The following ANO4 variants were observed in gnomAD, a reference collection of about 807,000 sequenced individuals.
ANO4 encodes the protein anoctamin 4.
A neutral mutation model predicts 141.9 loss-of-function variants in ANO4; 69 were observed. The ratio of observed to expected loss-of-function variants is 0.49; its 90% CI spans 0.40 to 0.59. ANO4 has a LOEUF of 0.59. Ranked by LOEUF, ANO4 falls within the 20% of genes least tolerant of loss-of-function variation. The pLI, the probability that ANO4 is intolerant of heterozygous loss-of-function variation, is 0.00. For missense variants in ANO4, 894 were observed against 1,162.2 expected (o/e 0.77, Z 3.36); for synonymous variants, 350 against 394.3 (o/e 0.89, Z 1.33).
At chr12:100,734,831 A>G (rs1802840314) in intron 2 of ANO4, among the ~76,000 whole-genome samples, 1 of 152,282 alleles carries the variant, frequency 6.6e-6, no homozygotes, top group South Asian at 2.1e-4. Context: ...ATGTTCAAAC[A>G]TAGAACTATA....
chr12:100,901,859 C>T lies in ANO4; in HGVS notation c.55+19C>T. 2 of 1,575,562 alleles carry T rather than the reference C, an allele frequency of 1.3e-6. No individual in the cohort carries two copies. The highest frequency in any genetic ancestry group is 1.7e-6 in the Non-Finnish European group (2 of 1,160,112). On this transcript the variant is annotated intron_variant, in intron 2 of 27. Coordinates refer to ENST00000392977, the MANE Select transcript of ANO4 (RefSeq NM_001286615.2). ...CACCCAGGTGATGCATGGGGAAGTT[C>T]AACGGGGACCCATTTCAGTAGCAAC...
rs530854813 is a variant in ANO4 at position 100,916,062 on chromosome 12, T to A, written c.56-6164T>A. Among the ~76,000 whole-genome samples the A allele has an allele frequency of 4.3e-3, 653 of 152,232 alleles. 4 individuals carry two copies. Among genetic ancestry groups the A allele is most frequent in the African/African-American group, 0.014 (594 of 41,564 alleles). On this transcript the variant is annotated intron_variant, in intron 2 of 27. Transcript: ENST00000392977. ...AGTGGTAGTAATGTAACTTTTACAT[T>A]GTTATGTGTCACAGCAGAAAAACCA...
At chr12:100,747,590 C>T (rs1565851831) in intron 3 of ANO4, among the ~76,000 whole-genome samples, 1 of 152,198 alleles carries the variant, frequency 6.6e-6, no homozygotes, top group Non-Finnish European at 1.5e-5. Flanking sequence ...AAAAAGAACA[C>T]TAGGCTGGGT....
At chr12:100,813,144 A>G (rs751847367) in intron 1 of ANO4, among the ~76,000 whole-genome samples, 5 of 152,224 alleles carry the variant, frequency 3.3e-5, no homozygotes, top group Admixed American at 6.5e-5. Flanking sequence ...AGCTGGTATT[A>G]GCATCCATAT....
Position 100,942,527 on chromosome 12 carries a change from G to C in ANO4, c.448G>C (p.Glu150Gln). The C allele has an allele frequency of 6.2e-7, 1 of 1,612,812 alleles. No homozygotes were observed. The highest frequency in any genetic ancestry group is 8.5e-7 in the Non-Finnish European group (1 of 1,179,652). The change falls in exon 5 of 28, where the codon GAG (glutamate) becomes CAG (glutamine). Residue 150 changes from glutamate to glutamine, a missense_variant. By Grantham distance (29) the Glu-to-Gln change is conservative. Coordinates refer to ENST00000392977, the MANE Select transcript of ANO4 (RefSeq NM_001286615.2). Reference protein sequence around the residue: ...RNIRAEGLQMEKESSLINSDI... With the variant: ...RNIRAEGLQMQKESSLINSDI... ...CATTAGAGCAGAAGGATTGCAAATG[G>C]AGAAAGAGGTAAATAGTTTGCTTGG...
chr12:100,727,545 A>G (rs974212996), intron 1 of ANO4, among the ~76,000 whole-genome samples: 4 of 152,048 alleles, frequency 2.6e-5, no homozygotes, highest in Non-Finnish European at 5.9e-5. Context: ...TTTACTTTCA[A>G]CATTTGTGTC....
At chr12:100,972,389 A>G (rs897599129) in intron 6 of ANO4, among the ~76,000 whole-genome samples, 1 of 152,224 alleles carries the variant, frequency 6.6e-6, no homozygotes, top group Admixed American at 6.5e-5. Context: ...TCCCTGGTGC[A>G]TCTTATCTTC....
At chr12:101,078,343 A>ATG (rs10601650) in intron 14 of ANO4, among the ~76,000 whole-genome samples, 41 of 150,408 alleles carry the variant, frequency 2.7e-4, no homozygotes, top group East Asian at 7.9e-4. Context: ...GTCTGTATGC[A>ATG]TGTGTGTGTG....
intron 3 of ANO4, among the ~76,000 whole-genome samples, chr12:100,930,235 A>G (rs985565042): frequency 2.6e-5 from 4 of 152,048 alleles, no homozygotes; most frequent in African/African-American, 9.7e-5. Context: ...CTTGTGAGGT[A>G]TTACTCAAGA....
intron 15 of ANO4, among the ~76,000 whole-genome samples, chr12:101,080,893 A>AT (rs1278861521): frequency 2.2e-5 from 3 of 137,078 alleles, no homozygotes; most frequent in African/African-American, 7.9e-5. Flanking sequence ...TTATATATAT[A>AT]TATATATACA....
intron 3 of ANO4, among the ~76,000 whole-genome samples, chr12:100,789,430 G>T (rs2033971709): frequency 6.6e-6 from 1 of 152,128 alleles, no homozygotes; most frequent in East Asian, 1.9e-4. Flanking sequence ...GGCTTTTTTG[G>T]TATATTAGCA....
intron 9 of ANO4, among the ~76,000 whole-genome samples, chr12:101,029,504 C>CA (rs1470781590): frequency 6.0e-5 from 9 of 151,064 alleles, no homozygotes; most frequent in Non-Finnish European, 7.4e-5. Flanking sequence ...AAATGGAAAG[C>CA]AAAAAAAATG....
intron 14 of ANO4, chr12:101,068,730 T>C: frequency 7.6e-7 from 1 of 1,311,228 alleles, no homozygotes; most frequent in Non-Finnish European, 1.1e-6. Flanking sequence ...CCAGATCTCA[T>C]AAAAATGTTG....
chr12:100,757,021 C>G (rs2032642159), intron 3 of ANO4, among the ~76,000 whole-genome samples: 1 of 152,122 alleles, frequency 6.6e-6, no homozygotes, highest in Non-Finnish European at 1.5e-5. Context: ...CGTCCTGTTG[C>G]CTCAGTTTTT....
chr12:100,850,954 TAAC>T, intron 1 of ANO4, among the ~76,000 whole-genome samples: 2 of 152,208 alleles, frequency 1.3e-5, no homozygotes. Context: ...GCATATAACA[TAAC>T]ATATTTAACC....
intron 8 of ANO4, among the ~76,000 whole-genome samples, chr12:101,014,694 T>C (rs61944901): frequency 0.068 from 10,339 of 152,254 alleles, 578 homozygotes; most frequent in African/African-American, 0.16. Context: ...TAAGGAGATG[T>C]GTGGATATAG....
At chr12:100,956,089 G>T (rs2043164064) in intron 5 of ANO4, among the ~76,000 whole-genome samples, 1 of 152,198 alleles carries the variant, frequency 6.6e-6, no homozygotes, top group Non-Finnish European at 1.5e-5. Context: ...GAGCTAGAAA[G>T]ATGTGCATTT....
At chr12:101,066,704 A>G in intron 14 of ANO4, 3 of 717,458 alleles carry the variant, frequency 4.2e-6, no homozygotes. Context: ...CAGCAAGGTC[A>G]GGTGGCACCT....
chr12:100,847,908 CA>C (rs1201769384), intron 1 of ANO4, among the ~76,000 whole-genome samples: 1 of 152,174 alleles, frequency 6.6e-6, no homozygotes, highest in Non-Finnish European at 1.5e-5. Flanking sequence ...AGCCACTTCT[CA>C]TTTTGCCTCA....
Sources: gnomAD v4.1 joint callset for allele counts (sites outside exome capture counted in the v4.1 genomes callset) on GRCh38, gnomAD v4.1.1 for gene constraint, MANE v1.5 for transcripts, NCBI Gene and HGNC (gene_info 2026-07-23, HGNC 2026-07-21) for gene names.